The following MCM9 variants were observed in gnomAD, a reference collection of about 807,000 sequenced individuals.
MCM9 encodes minichromosome maintenance 9 homologous recombination repair factor.
MCM9 carries 55 observed loss-of-function variants against 72.8 expected under a neutral mutation model. The ratio of observed to expected loss-of-function variants is 0.76; its 90% CI spans 0.61 to 0.95. The LOEUF (loss-of-function observed/expected upper bound fraction) is 0.95. Among genes scored for constraint, MCM9 ranks in the 40% least tolerant of loss-of-function variants. The probability of loss-of-function intolerance (pLI) is 0.00; values close to 1 mark genes in which losing one functional copy is unlikely to be tolerated. For missense variants in MCM9, 1,279 were observed against 1,377.0 expected (o/e 0.93, Z 1.13); for synonymous variants, 480 against 503.4 (o/e 0.95, Z 0.62).
At chr6:118,919,013 T>G (rs1337674336) in intron 5 of MCM9, 1 of 152,248 alleles carries the variant, frequency 6.6e-6, no homozygotes, top group Non-Finnish European at 1.5e-5. Context: ...CACTACTTAA[T>G]GATTTTCAAA....
chr6:118,930,103 A>ATTTATTTTAT (rs5879474), intron 3 of MCM9, among the ~76,000 whole-genome samples: 13 of 145,804 alleles, frequency 8.9e-5, no homozygotes, highest in East Asian at 2.0e-4. Context: ...TTATTTATTT[A>ATTTATTTTAT]TTTATTTTAT....
At chr6:118,882,157 A>G (rs560374571) in intron 8 of MCM9, among the ~76,000 whole-genome samples, 41 of 152,310 alleles carry the variant, frequency 2.7e-4, no homozygotes, top group African/African-American at 8.9e-4. Flanking sequence ...AATGCCTTCA[A>G]TCCAGCTGAC....
intron 9 of MCM9, among the ~76,000 whole-genome samples, chr6:118,830,632 G>A (rs1464402313): frequency 6.6e-6 from 1 of 152,088 alleles, no homozygotes; most frequent in Non-Finnish European, 1.5e-5. Context: ...ACTGAAGACG[G>A]ACTATTTGTA....
chr6:118,829,063 T>C lies in MCM9; in HGVS notation c.1513A>G (p.Ile505Val), dbSNP rs1157570631. ...CTTCACGTACCTTTATTTTCTAAGA[T>C]AAAGGAGGAAATGATACGATCCCAG... ...EDWDRIISSF[I>V]LENKGYPSKS... Residue 505 changes from isoleucine to valine, a missense_variant, in exon 10 of 14, where the codon ATC (isoleucine) becomes GTC (valine). Coordinates refer to ENST00000619706, the MANE Select transcript of MCM9 (RefSeq NM_017696.3). 1.9e-6 allele frequency: 3 copies of C among 1,550,604 alleles called. No homozygotes were observed. The East Asian group carries it at 7.3e-5, about 38-fold the overall frequency.
chr6:118,843,120 T>G (rs1450286939), intron 9 of MCM9, among the ~76,000 whole-genome samples: 2 of 152,118 alleles, frequency 1.3e-5, no homozygotes, highest in Non-Finnish European at 2.9e-5. Context: ...GAAATCATAT[T>G]GGCCTCTCCC....
chr6:118,868,921 T>C (rs1293632475), intron 8 of MCM9, among the ~76,000 whole-genome samples: 4 of 152,214 alleles, frequency 2.6e-5, no homozygotes, highest in Non-Finnish European at 5.9e-5. Context: ...ACTGGGTATA[T>C]ACCCAAAGGA....
chr6:118,925,260 C>T (rs961447403), intron 3 of MCM9, among the ~76,000 whole-genome samples: 1 of 152,158 alleles, frequency 6.6e-6, no homozygotes, highest in Non-Finnish European at 1.5e-5. Context: ...CGGTTCATGT[C>T]TCCTGTCTTG....
intron 8 of MCM9, among the ~76,000 whole-genome samples, chr6:118,891,518 TG>T (rs1457461058): frequency 2.0e-5 from 3 of 152,160 alleles, no homozygotes; most frequent in Non-Finnish European, 4.4e-5. Flanking sequence ...CCTCTTTGCT[TG>T]GCTTGCAAAT....
At chr6:118,816,614 T>C (rs1312139963) in intron 13 of MCM9, among the ~76,000 whole-genome samples, 2 of 152,222 alleles carry the variant, frequency 1.3e-5, no homozygotes, top group Admixed American at 6.5e-5. Context: ...AAGATCAGTG[T>C]AAAATCCTCA....
chr6:118,889,660 A>C (rs1221086405), intron 8 of MCM9, among the ~76,000 whole-genome samples: 5 of 152,230 alleles, frequency 3.3e-5, no homozygotes, highest in Non-Finnish European at 7.3e-5. Flanking sequence ...ACACAGACAA[A>C]AAACTAGGTA....
chr6:118,831,410 C>A (rs1237098505), intron 9 of MCM9, among the ~76,000 whole-genome samples: 1 of 149,752 alleles, frequency 6.7e-6, no homozygotes, highest in African/African-American at 2.5e-5. Context: ...AGAAAAAAGG[C>A]TGTCTGAGGT....
At chr6:118,855,879 G>C (rs1377205434) in intron 9 of MCM9, among the ~76,000 whole-genome samples, 1 of 152,080 alleles carries the variant, frequency 6.6e-6, no homozygotes, top group Non-Finnish European at 1.5e-5. Flanking sequence ...TCAATCCTGA[G>C]CCTCTTTGAA....
At chr6:118,854,560 C>T (rs561626222) in intron 9 of MCM9, among the ~76,000 whole-genome samples, 1 of 152,288 alleles carries the variant, frequency 6.6e-6, no homozygotes, top group South Asian at 2.1e-4. Flanking sequence ...ACCATGTTGG[C>T]CAGGCTGGTC....
rs1261318885 is a variant in MCM9, at chr6:118,932,652, C to T, written c.-61G>A. ...AGTTCTGACATGAATAATTAACAGA[C>T]TGTCCTTAGAAATTCATACTTGGAA... On this transcript the variant is annotated 5_prime_UTR_variant, in exon 2 of 14. Coordinates refer to ENST00000619706, the MANE Select transcript of MCM9 (RefSeq NM_017696.3). 1.0e-6 allele frequency: 1 copy of T among 980,542 alleles called. No individual in the cohort carries two copies. Among genetic ancestry groups the T allele is most frequent in the African/African-American group, 1.8e-5 (1 of 57,120 alleles). The allele number at this position is 980,542 out of a possible 1,614,324, so 60.7% of individuals were successfully genotyped here. A position where few individuals can be genotyped will look rare whatever the true frequency, so the allele number is the denominator to read the frequency against.
At chr6:118,871,655 G>A (rs953601250) in intron 8 of MCM9, among the ~76,000 whole-genome samples, 91 of 152,290 alleles carry the variant, frequency 6.0e-4, no homozygotes, top group African/African-American at 2.2e-3. Context: ...GGTGGCTCAC[G>A]CCTGTAATCC....
At chr6:118,867,396 G>C (rs1191666496) in intron 8 of MCM9, among the ~76,000 whole-genome samples, 1 of 152,118 alleles carries the variant, frequency 6.6e-6, no homozygotes, top group African/African-American at 2.4e-5. Context: ...CAAATGTACT[G>C]CTCCGTTAGT....
chr6:118,871,399 T>C (rs1777585088), intron 8 of MCM9, among the ~76,000 whole-genome samples: 1 of 152,198 alleles, frequency 6.6e-6, no homozygotes, highest in African/African-American at 2.4e-5. Context: ...TCAATAGATG[T>C]ACAAAAAACA....
At chr6:118,923,280 A>G (rs907537407) in intron 4 of MCM9, among the ~76,000 whole-genome samples, 4 of 145,252 alleles carry the variant, frequency 2.8e-5, no homozygotes, top group Admixed American at 2.7e-4. Flanking sequence ...GTTCACTCCA[A>G]TGTGATTTTT....
At position 118,917,832 on chromosome 6, in the gene MCM9, G is replaced by C. The variant is rs1252367837; in HGVS notation, c.704-71C>G. 1.2e-5 allele frequency: 16 copies of C among 1,342,886 alleles called. No homozygotes were observed. The East Asian group carries it at 3.2e-4, about 27-fold the overall frequency. 83.2% of individuals were successfully genotyped at this position (1,342,886 alleles called of 1,614,324 possible). The stretch of plus-strand genomic sequence containing the variant: ...TGAGCACAGACTCAAAATGACAAAG[G>C]ACCAGAAATTAGAAATAAACCACTC... On this transcript the variant is annotated intron_variant, in intron 5 of 13. Transcript: ENST00000619706.
Sources: gnomAD v4.1 joint callset for allele counts (sites outside exome capture counted in the v4.1 genomes callset) on GRCh38, gnomAD v4.1.1 for gene constraint, MANE v1.5 for transcripts, NCBI Gene and HGNC (gene_info 2026-07-23, HGNC 2026-07-21) for gene names.